Variants in CYP2C18 observed in about 807,000 individuals in gnomAD.
CYP2C18 encodes the protein cytochrome P450 family 2 subfamily C member 18.
In CYP2C18, 38 loss-of-function variants were observed where a neutral mutation model predicts 41.3. The ratio of observed to expected loss-of-function variants is 0.92; its 90% CI spans 0.71 to 1.21. The LOEUF is 1.21. Among genes scored for constraint, CYP2C18 ranks in the 50% most tolerant of loss-of-function variants. The pLI, the probability that CYP2C18 is intolerant of heterozygous loss-of-function variation, is 0.00. For synonymous variants in CYP2C18, 236 were observed against 210.0 expected, an observed-to-expected ratio of 1.12 and a Z score of -1.07; for missense variants, 635 against 591.4, an observed-to-expected ratio of 1.07 and a Z score of -0.77.
chr10:94,726,934 C>T (rs1434399721), intron 7 of CYP2C18, among the ~76,000 whole-genome samples: 1 of 152,070 alleles, frequency 6.6e-6, no homozygotes, highest in African/African-American at 2.4e-5. Flanking sequence ...TCACTATTGC[C>T]ATCTTATAGG....
chr10:94,716,708 A>G (rs1358778513), intron 5 of CYP2C18, among the ~76,000 whole-genome samples: 1 of 152,178 alleles, frequency 6.6e-6, no homozygotes, highest in Non-Finnish European at 1.5e-5. Flanking sequence ...TGCTTGGTGC[A>G]GAGCTGAGTT....
At chr10:94,692,804 A>G (rs1847030743) in intron 3 of CYP2C18, among the ~76,000 whole-genome samples, 1 of 152,228 alleles carries the variant, frequency 6.6e-6, no homozygotes, top group Non-Finnish European at 1.5e-5. Context: ...GGATTAAGAA[A>G]ATGTGGCACA....
rs1430878509 is a variant in CYP2C18 at position 94,733,288 on chromosome 10, T to C, written c.1150-9T>C. 5 of 1,610,650 alleles carry C rather than the reference T, an allele frequency of 3.1e-6. No individual in the cohort carries two copies. Among genetic ancestry groups the C allele is most frequent in the African/African-American group, 2.7e-5 (2 of 74,776 alleles). ...TTATAACTTAGTTTGTCTGTTTTGC[T>C]ATTTTCAGGGCACGACCATAATAAC... On this transcript the variant is annotated splice_polypyrimidine_tract_variant and intron_variant, in intron 7 of 8. Coordinates refer to ENST00000285979, the MANE Select transcript of CYP2C18 (RefSeq NM_000772.3).
intron 7 of CYP2C18, among the ~76,000 whole-genome samples, chr10:94,730,174 T>A (rs1437523926): frequency 2.0e-5 from 3 of 152,184 alleles, no homozygotes; most frequent in Non-Finnish European, 4.4e-5. Flanking sequence ...AAGTACTTGT[T>A]AATCAGCACA....
intron 8 of CYP2C18, among the ~76,000 whole-genome samples, chr10:94,734,776 G>A (rs1457272960): frequency 6.6e-6 from 1 of 152,176 alleles, no homozygotes; most frequent in Non-Finnish European, 1.5e-5. Context: ...TTATCCCATA[G>A]GACAGATGGG....
chr10:94,735,394 G>A lies in CYP2C18; in HGVS notation c.1423G>A (p.Ala475Thr), dbSNP rs781667179. 6.2e-7 allele frequency: 1 copy of A among 1,613,718 alleles called. No individual in the cohort carries two copies. The highest frequency in any genetic ancestry group is 8.5e-7 in the Non-Finnish European group (1 of 1,179,710). ...TATTGACATCACCCCCATTGCCAAT[G>A]CATTTGGTCGTGTGCCACCCTTGTA... is the stretch of plus-strand genomic sequence containing the variant. ...KDIDITPIANAFGRVPPLYQL... is the reference protein window; with the variant it reads ...KDIDITPIANTFGRVPPLYQL... The change falls in exon 9 of 9, where the codon GCA (alanine) becomes ACA (threonine). Residue 475 changes from alanine to threonine, a missense_variant. By Grantham distance (58) the Ala-to-Thr change is moderately conservative. Coordinates refer to ENST00000285979, the MANE Select transcript of CYP2C18 (RefSeq NM_000772.3).
intron 6 of CYP2C18, among the ~76,000 whole-genome samples, chr10:94,724,077 A>G (rs1847691679): frequency 6.6e-6 from 1 of 151,698 alleles, no homozygotes; most frequent in Non-Finnish European, 1.5e-5. Context: ...AAATATTTAT[A>G]TTTTGAAGTA....
chr10:94,697,392 TGAA>T (rs1356575594), intron 4 of CYP2C18, among the ~76,000 whole-genome samples: 1 of 152,058 alleles, frequency 6.6e-6, no homozygotes, highest in Non-Finnish European at 1.5e-5. Flanking sequence ...GCTTCATAAG[TGAA>T]GGAGAAATAA....
At chr10:94,689,064 T>C (rs566508492) in intron 3 of CYP2C18, among the ~76,000 whole-genome samples, 24 of 152,328 alleles carry the variant, frequency 1.6e-4, no homozygotes, top group African/African-American at 5.5e-4. Flanking sequence ...ATCTTTAGTG[T>C]AGCTTTTATC....
chr10:94,715,926 C>T (rs181965652), intron 5 of CYP2C18, among the ~76,000 whole-genome samples: 142 of 152,098 alleles, frequency 9.3e-4, no homozygotes, highest in African/African-American at 3.1e-3. Flanking sequence ...GTGTATGTGT[C>T]GAGAAATTTA....
intron 7 of CYP2C18, among the ~76,000 whole-genome samples, chr10:94,733,074 A>C (rs1847861316): frequency 6.6e-6 from 1 of 152,160 alleles, no homozygotes; most frequent in African/African-American, 2.4e-5. Context: ...TCAAATGCTC[A>C]GGACTTCAAG....
intron 4 of CYP2C18, among the ~76,000 whole-genome samples, chr10:94,703,183 A>T (rs1041579761): frequency 6.6e-6 from 1 of 152,100 alleles, no homozygotes; most frequent in Non-Finnish European, 1.5e-5. Context: ...CCGTGCTGGG[A>T]GGTGTCTCCC....
intron 5 of CYP2C18, among the ~76,000 whole-genome samples, chr10:94,711,215 A>G (rs1847430077): frequency 6.6e-6 from 1 of 152,034 alleles, no homozygotes; most frequent in Admixed American, 6.6e-5. Flanking sequence ...TTCAATTTCT[A>G]TATTCTTATT....
intron 5 of CYP2C18, among the ~76,000 whole-genome samples, chr10:94,718,358 G>T (rs1310984794): frequency 6.6e-6 from 1 of 151,954 alleles, no homozygotes; most frequent in Non-Finnish European, 1.5e-5. Flanking sequence ...TGTGTTTAAG[G>T]TTTTCTGTAT....
At chr10:94,700,378 G>A (rs536191291) in intron 4 of CYP2C18, among the ~76,000 whole-genome samples, 8 of 152,242 alleles carry the variant, frequency 5.3e-5, no homozygotes, top group South Asian at 2.1e-4. Flanking sequence ...GCAATGGGGA[G>A]AGGATTCCCT....
rs757650248 is a variant in CYP2C18 at position 94,688,173 on chromosome 10, G to T, written c.380G>T (p.Cys127Phe). The change falls in exon 3 of 9, where the codon TGC becomes TTC. Residue 127 changes from cysteine (C) to phenylalanine (F), a missense_variant. By Grantham distance (205) the Cys-to-Phe change is radical. Coordinates refer to ENST00000285979, the MANE Select transcript of CYP2C18 (RefSeq NM_000772.3). Reference protein sequence around the residue: ...GKRWKEIRRFCLMTLRNFGMG... With the variant: ...GKRWKEIRRFFLMTLRNFGMG... ...AGATGGAAGGAGATCCGGCGTTTCT[G>T]CCTCATGACTCTGCGGAATTTTGGG... is the stretch of plus-strand genomic sequence containing the variant. 1.9e-6 allele frequency: 3 copies of T among 1,613,712 alleles called. No individual in the cohort carries two copies. The highest frequency in any genetic ancestry group is 1.7e-4 in the Middle Eastern group (1 of 6,048).
At position 94,735,509 on chromosome 10, in the gene CYP2C18, G is replaced by A. The variant is rs3740367; in HGVS notation, c.*65G>A. 0.062 allele frequency: 92,286 copies of A among 1,494,262 alleles called. 3,263 individuals are homozygous for A. Among genetic ancestry groups the A allele is most frequent in the South Asian group, 0.11 (9,663 of 87,662 alleles). 92.6% of individuals were successfully genotyped at this position (1,494,262 alleles called of 1,614,324 possible). On this transcript the variant is annotated 3_prime_UTR_variant, in exon 9 of 9. Transcript: ENST00000285979. ...GCAATTCTCCCTTATCAGGGCCATT[G>A]GCCTCTCCCTTCTCTCTGTGAGGGA...
At chr10:94,685,584 A>C (rs1010621188) in intron 1 of CYP2C18, among the ~76,000 whole-genome samples, 2 of 152,058 alleles carry the variant, frequency 1.3e-5, no homozygotes, top group Non-Finnish European at 2.9e-5. Flanking sequence ...TATAAGGGTG[A>C]GATTAGGATT....
At chr10:94,702,731 G>A (rs60387902) in intron 4 of CYP2C18, among the ~76,000 whole-genome samples, 1,848 of 152,066 alleles carry the variant, frequency 0.012, 54 homozygotes, top group African/African-American at 0.043. Context: ...GCCTACTTCT[G>A]TCAGTTTGTC....
Sources: gnomAD v4.1 joint callset for allele counts (sites outside exome capture counted in the v4.1 genomes callset) on GRCh38, gnomAD v4.1.1 for gene constraint, MANE v1.5 for transcripts, NCBI Gene and HGNC (gene_info 2026-07-23, HGNC 2026-07-21) for gene names.